The following FAM227A variants were observed in gnomAD, a reference collection of about 807,000 sequenced individuals.
The protein encoded by FAM227A is family with sequence similarity 227 member A.
Under a neutral mutation model 74.7 loss-of-function variants are expected in FAM227A, and 80 were observed. The ratio of observed to expected loss-of-function variants is 1.07; its 90% CI spans 0.89 to 1.29. The LOEUF (loss-of-function observed/expected upper bound fraction) is 1.29. Ranked by LOEUF, FAM227A falls within the 50% of genes most tolerant of loss-of-function variation. The pLI, the probability that FAM227A is intolerant of heterozygous loss-of-function variation, is 0.00. For missense variants in FAM227A, 654 were observed against 683.4 expected (o/e 0.96, Z 0.48); for synonymous variants, 237 against 241.8 (o/e 0.98, Z 0.19).
chr22:38,631,666 A>T (rs1288803355), intron 6 of FAM227A, among the ~76,000 whole-genome samples: 1 of 152,170 alleles, frequency 6.6e-6, no homozygotes, highest in Non-Finnish European at 1.5e-5. Context: ...GTTTCTGTGC[A>T]GTGGAAGCAC....
At chr22:38,629,929 T>C (rs564262966) in intron 6 of FAM227A, among the ~76,000 whole-genome samples, 1 of 132,744 alleles carries the variant, frequency 7.5e-6, no homozygotes, top group Non-Finnish European at 1.6e-5. Flanking sequence ...TTCTTTACCA[T>C]CCATCACTCA....
rs373804892 is a variant in FAM227A, at chr22:38,645,619, C to G, written c.169G>C (p.Val57Leu). ...PSCLIGSMHQ[V>L]NQKIADINLR... Reference sequence around the variant, plus strand: ...TTTATGTCAGCAATCTTTTGGTTCACCTGGTGCATGGAGCCAATAAGGCAT... The same window carrying G: ...TTTATGTCAGCAATCTTTTGGTTCAGCTGGTGCATGGAGCCAATAAGGCAT... The change falls in exon 3 of 17, where the codon GTG (valine) becomes CTG (leucine). Residue 57 changes from valine (V) to leucine (L), a missense_variant. Physicochemically the swap from Val to Leu is conservative, Grantham distance 32 (BLOSUM62 1). Coordinates refer to ENST00000535113, the MANE Select transcript of FAM227A (RefSeq NM_001013647.2). The G allele has an allele frequency of 2.5e-5, 39 of 1,551,232 alleles. No individual in the cohort carries two copies. In the African/African-American group the frequency reaches 4.8e-4, roughly 19 times the overall value.
intron 15 of FAM227A, among the ~76,000 whole-genome samples, chr22:38,595,622 T>C (rs181241659): frequency 6.6e-6 from 1 of 152,338 alleles, no homozygotes; most frequent in African/African-American, 2.4e-5. Context: ...ACATCATTTA[T>C]TCCTGACTAA....
intron 15 of FAM227A, among the ~76,000 whole-genome samples, 198 bp downstream of exon 15, chr22:38,597,006 T>C (rs147034412): frequency 4.2e-4 from 64 of 151,804 alleles, no homozygotes; most frequent in African/African-American, 1.5e-3. Context: ...TTTTTGTAGT[T>C]AGAAAAAAAA....
chr22:38,609,246 C>A (rs184457784), intron 11 of FAM227A, among the ~76,000 whole-genome samples: 90 of 152,328 alleles, frequency 5.9e-4, no homozygotes, highest in African/African-American at 1.9e-3. Flanking sequence ...ACTTACATCT[C>A]ATTAACTGGA....
At chr22:38,654,064 CA>C (rs779369500) in intron 1 of FAM227A, among the ~76,000 whole-genome samples, 1 of 151,948 alleles carries the variant, frequency 6.6e-6, no homozygotes, top group Non-Finnish European at 1.5e-5. Flanking sequence ...TAAAGGGGAG[CA>C]GGGCCGGGCG....
Position 38,583,664 on chromosome 22 carries a change from G to A in FAM227A, c.*2461C>T, listed in dbSNP as rs1406589408. Reference sequence around the variant, plus strand: ...AAAGGTCAAGATGCACAGCTACTATGCTGAGTCACACATCCATATGGTGAA... The same window carrying A: ...AAAGGTCAAGATGCACAGCTACTATACTGAGTCACACATCCATATGGTGAA... On this transcript the variant is annotated 3_prime_UTR_variant, in exon 17 of 17. Transcript: ENST00000535113. The A allele has an allele frequency of 1.3e-5, 2 of 152,270 alleles. No individual in the cohort carries two copies. The highest frequency in any genetic ancestry group is 4.8e-5 in the African/African-American group (2 of 41,438). 9.4% of individuals were successfully genotyped at this position (152,270 alleles called of 1,614,324 possible). A position where few individuals can be genotyped will look rare whatever the true frequency, so the allele number is the denominator to read the frequency against.
chr22:38,652,934 C>T (rs1451479875), intron 1 of FAM227A, among the ~76,000 whole-genome samples: 1 of 151,410 alleles, frequency 6.6e-6, no homozygotes. Context: ...TTTAGTATAA[C>T]CCTCAGTCAT....
chr22:38,630,705 C>T (rs1290366043), intron 6 of FAM227A, among the ~76,000 whole-genome samples: 1 of 152,178 alleles, frequency 6.6e-6, no homozygotes, highest in East Asian at 1.9e-4. Context: ...TGAGCACCTC[C>T]AGGTGCTCAA....
chr22:38,593,557 C>T (rs1441255747), intron 15 of FAM227A, among the ~76,000 whole-genome samples: 3 of 152,066 alleles, frequency 2.0e-5, no homozygotes, highest in Admixed American at 2.0e-4. Context: ...TAATGAACAA[C>T]AGTTACAGAG....
At chr22:38,647,600 C>T (rs1309592591) in intron 2 of FAM227A, among the ~76,000 whole-genome samples, 1 of 152,110 alleles carries the variant, frequency 6.6e-6, no homozygotes, top group Non-Finnish European at 1.5e-5. Flanking sequence ...GTATCTCAAC[C>T]TTGTTTATCA....
At chr22:38,599,290 T>C (rs973972584) in intron 14 of FAM227A, among the ~76,000 whole-genome samples, 1 of 152,040 alleles carries the variant, frequency 6.6e-6, no homozygotes, top group Non-Finnish European at 1.5e-5. Flanking sequence ...AGATCTGAGC[T>C]TTCTATTAGA....
intron 16 of FAM227A, among the ~76,000 whole-genome samples, chr22:38,590,854 G>A (rs1305885154): frequency 3.9e-5 from 6 of 151,942 alleles, no homozygotes; most frequent in African/African-American, 9.7e-5. Flanking sequence ...GCGTGATCTC[G>A]GCTCACTGCA....
At chr22:38,592,920 G>C (rs971096820) in intron 15 of FAM227A, among the ~76,000 whole-genome samples, 1 of 152,254 alleles carries the variant, frequency 6.6e-6, no homozygotes, top group Non-Finnish European at 1.5e-5. Context: ...AAACGACTGA[G>C]GATCAGTGAG....
intron 6 of FAM227A, among the ~76,000 whole-genome samples, chr22:38,636,026 AAG>A (rs2091997593): frequency 2.0e-5 from 3 of 151,020 alleles, no homozygotes; most frequent in Admixed American, 1.3e-4. Flanking sequence ...GGAAAGAAAG[AAG>A]AGAGAAAGAG....
In FAM227A at chr22:38,582,454, C is replaced by T; in HGVS notation, c.*3671G>A. The T allele has an allele frequency of 1.3e-6, 2 of 1,535,538 alleles. No individual in the cohort carries two copies. The highest frequency in any genetic ancestry group is 1.8e-6 in the Non-Finnish European group (2 of 1,134,750). ...ACAATTACTCATTTGCTTTATCCCA[C>T]ATTACAGCAAATGCTTTTTAAATGT... On this transcript the variant is annotated 3_prime_UTR_variant, in exon 17 of 17. Coordinates refer to ENST00000535113, the MANE Select transcript of FAM227A (RefSeq NM_001013647.2).
In FAM227A at chr22:38,579,323, G is replaced by A. The variant is rs955188884; in HGVS notation, c.*6802C>T. On this transcript the variant is annotated 3_prime_UTR_variant, in exon 17 of 17. Transcript: ENST00000535113. The stretch of plus-strand genomic sequence containing the variant: ...AATTAAATGGGTTAATACACATGAA[G>A]TATGTGGGCTCCTGTGTGGAGAACT... 3 of 152,178 alleles carry A rather than the reference G, an allele frequency of 2.0e-5. No homozygotes were observed. The highest frequency in any genetic ancestry group is 4.4e-5 in the Non-Finnish European group (3 of 68,036). The allele number at this position is 152,178 out of a possible 1,614,324, so 9.4% of individuals were successfully genotyped here. A position where few individuals can be genotyped will look rare whatever the true frequency, so the allele number is the denominator to read the frequency against.
At position 38,579,896 on chromosome 22, in the gene FAM227A, C is replaced by T. The variant is rs1159917723; in HGVS notation, c.*6229G>A. ...GTTTCAATGGGATCCAAATAATGTC[C>T]ACATGTTGTAATTGATTGATGTCTT... On this transcript the variant is annotated 3_prime_UTR_variant, in exon 17 of 17. Coordinates refer to ENST00000535113, the MANE Select transcript of FAM227A (RefSeq NM_001013647.2). The T allele has an allele frequency of 6.6e-6, 1 of 151,890 alleles. No individual in the cohort carries two copies. Among genetic ancestry groups the T allele is most frequent in the Non-Finnish European group, 1.5e-5 (1 of 67,994 alleles). 9.4% of individuals were successfully genotyped at this position (151,890 alleles called of 1,614,324 possible). A position where few individuals can be genotyped will look rare whatever the true frequency, so the allele number is the denominator to read the frequency against.
At chr22:38,649,147 C>A (rs868673732) in intron 2 of FAM227A, among the ~76,000 whole-genome samples, 3 of 152,160 alleles carry the variant, frequency 2.0e-5, no homozygotes. Context: ...ATTCTTTCCA[C>A]AAATACTTCC....
Sources: gnomAD v4.1 joint callset for allele counts (sites outside exome capture counted in the v4.1 genomes callset) on GRCh38, gnomAD v4.1.1 for gene constraint, MANE v1.5 for transcripts, NCBI Gene and HGNC (gene_info 2026-07-23, HGNC 2026-07-21) for gene names.